Variants in ANTXR1 observed in about 807,000 individuals in gnomAD.
ANTXR1 encodes the protein ANTXR cell adhesion molecule 1.
A neutral mutation model predicts 78.1 loss-of-function variants in ANTXR1; 19 were observed. The observed-to-expected ratio is 0.24, with a 90% CI of 0.17 to 0.36. ANTXR1 has a LOEUF of 0.36. ANTXR1 is among the 10% of genes least tolerant of loss of function. The probability of loss-of-function intolerance (pLI) is 1.00; values close to 1 mark genes in which losing one functional copy is unlikely to be tolerated. For missense variants in ANTXR1, 518 were observed against 718.6 expected (o/e 0.72, Z 3.19); for synonymous variants, 273 against 260.5 (o/e 1.05, Z -0.46).
At chr2:69,123,561 G>A (rs963434574) in intron 11 of ANTXR1, among the ~76,000 whole-genome samples, 18 of 152,176 alleles carry the variant, frequency 1.2e-4, no homozygotes, top group African/African-American at 4.1e-4. Flanking sequence ...GGTTCATGGC[G>A]AGCCAAGACC....
chr2:69,017,815 CTCTTT>C (rs1053361172), intron 1 of ANTXR1, among the ~76,000 whole-genome samples: 4 of 152,160 alleles, frequency 2.6e-5, no homozygotes, highest in African/African-American at 9.7e-5. Flanking sequence ...AACAGCTAGC[CTCTTT>C]TAAGTCTTCC....
intron 1 of ANTXR1, among the ~76,000 whole-genome samples, chr2:69,027,124 C>T (rs1671367935): frequency 6.6e-6 from 1 of 152,100 alleles, no homozygotes; most frequent in Non-Finnish European, 1.5e-5. Flanking sequence ...GAGATGAGAA[C>T]CATCCCCTTG....
chr2:69,056,683 T>G (rs532708539), intron 3 of ANTXR1, among the ~76,000 whole-genome samples: 23 of 152,262 alleles, frequency 1.5e-4, no homozygotes, highest in Middle Eastern at 3.4e-3. Flanking sequence ...TTTTAAAATT[T>G]TATTTATTTT....
chr2:69,151,083 G>A (rs1044660521), intron 12 of ANTXR1, among the ~76,000 whole-genome samples: 34 of 151,302 alleles, frequency 2.2e-4, no homozygotes, highest in African/African-American at 4.4e-4. Flanking sequence ...AACCGATTGC[G>A]TAGTAATTCT....
chr2:69,035,900 G>A (rs1487503239), intron 1 of ANTXR1, among the ~76,000 whole-genome samples: 1 of 152,186 alleles, frequency 6.6e-6, no homozygotes, highest in Non-Finnish European at 1.5e-5. Context: ...CCTATATCTG[G>A]CATCAACAAA....
chr2:69,057,412 T>C (rs1670101398), intron 3 of ANTXR1, among the ~76,000 whole-genome samples: 1 of 152,230 alleles, frequency 6.6e-6, no homozygotes, highest in African/African-American at 2.4e-5. Context: ...TATGTCTGTA[T>C]GTCACATTTT....
At chr2:69,235,475 C>T (rs968556997) in intron 17 of ANTXR1, among the ~76,000 whole-genome samples, 2 of 151,628 alleles carry the variant, frequency 1.3e-5, no homozygotes, top group Non-Finnish European at 2.9e-5. Context: ...CATGGTGAAA[C>T]CCTGTCTCTA....
At chr2:69,197,886 T>C (rs146044260) in intron 17 of ANTXR1, among the ~76,000 whole-genome samples, 492 of 152,366 alleles carry the variant, frequency 3.2e-3, no homozygotes, top group African/African-American at 0.011. Context: ...TGGTCCATGA[T>C]GATATGGCGT....
chr2:69,170,094 A>G (rs1673938603), intron 13 of ANTXR1, among the ~76,000 whole-genome samples, 154 bp from the exon 14 acceptor site: 1 of 152,218 alleles, frequency 6.6e-6, no homozygotes. Context: ...CTGTCCAGCA[A>G]AGACACCTCT....
At chr2:69,245,187 C>T (rs999350821) in intron 17 of ANTXR1, 38 bp from the exon 18 acceptor site, 11 of 1,613,120 alleles carry the variant, frequency 6.8e-6, no homozygotes, top group African/African-American at 2.7e-5. Context: ...GATGTGAGGC[C>T]GTCCGCTCAC....
At chr2:69,084,848 CTTT>C (rs10708894) in intron 8 of ANTXR1, among the ~76,000 whole-genome samples, 8 of 94,024 alleles carry the variant, frequency 8.5e-5, no homozygotes, top group African/African-American at 1.3e-4. Flanking sequence ...GAAAAGGCAA[CTTT>C]TTTTTTTTTT....
Position 69,193,460 on chromosome 2 carries a change from CACAT to C in ANTXR1, c.1434+49_1434+52del, listed in dbSNP as rs773162808. The stretch of plus-strand genomic sequence containing the variant: ...TAATGGTGTCTCTCTCTCTCTCTCT[CACAT>C]ACACACACACACACACACACACACA... On this transcript the variant is annotated intron_variant, in intron 17 of 17. Transcript: ENST00000303714. 53 of 1,082,240 alleles carry C rather than the reference CACAT, an allele frequency of 4.9e-5. No individual in the cohort carries two copies. In the African/African-American group the frequency reaches 1.1e-3, roughly 23 times the overall value. The allele number at this position is 1,082,240 out of a possible 1,614,324, so 67.0% of individuals were successfully genotyped here.
chr2:69,131,275 G>T (rs764379833), intron 12 of ANTXR1, among the ~76,000 whole-genome samples: 2 of 152,142 alleles, frequency 1.3e-5, no homozygotes, highest in Non-Finnish European at 2.9e-5. Flanking sequence ...GCCAGACAAA[G>T]ACTCCAAAAT....
chr2:69,083,380 C>T (rs895882286), intron 8 of ANTXR1, among the ~76,000 whole-genome samples: 1 of 152,204 alleles, frequency 6.6e-6, no homozygotes, highest in African/African-American at 2.4e-5. Context: ...ACCTCCTTCC[C>T]TTCCTTCGCC....
intron 10 of ANTXR1, among the ~76,000 whole-genome samples, chr2:69,118,138 C>A (rs1415577001): frequency 1.3e-5 from 2 of 151,700 alleles, no homozygotes; most frequent in African/African-American, 4.8e-5. Context: ...TGGCTAGGCC[C>A]AGTGGCTCAC....
chr2:69,089,556 T>C (rs961222317), intron 8 of ANTXR1, among the ~76,000 whole-genome samples: 1 of 152,238 alleles, frequency 6.6e-6, no homozygotes, highest in Non-Finnish European at 1.5e-5. Flanking sequence ...TGCGTCATCT[T>C]CCCTTTATTT....
chr2:69,180,060 A>T (rs1331338951), intron 14 of ANTXR1, among the ~76,000 whole-genome samples: 1 of 152,232 alleles, frequency 6.6e-6, no homozygotes, highest in African/African-American at 2.4e-5. Flanking sequence ...GATGTATTAA[A>T]TTTTTTGAAA....
intron 17 of ANTXR1, among the ~76,000 whole-genome samples, chr2:69,204,509 T>C (rs1238584871): frequency 6.6e-6 from 1 of 152,152 alleles, no homozygotes; most frequent in Non-Finnish European, 1.5e-5. Context: ...ATCTTATCTG[T>C]TCCCCATCAC....
At chr2:69,030,094 T>G (rs1671483179) in intron 1 of ANTXR1, among the ~76,000 whole-genome samples, 3 of 152,322 alleles carry the variant, frequency 2.0e-5, no homozygotes, top group South Asian at 4.1e-4. Flanking sequence ...GAATCCAAGT[T>G]GTGATAATAG....
Sources: allele counts gnomAD v4.1 joint callset (sites outside exome capture counted in the v4.1 genomes callset), GRCh38; gene constraint gnomAD v4.1.1; transcripts MANE v1.5; gene names NCBI Gene and HGNC (gene_info 2026-07-23, HGNC 2026-07-21).